The following ELMO1 variants were observed in gnomAD, a reference collection of about 807,000 sequenced individuals.
ELMO1 encodes the protein engulfment and cell motility protein 1.
In ELMO1, 26 loss-of-function variants were observed where a neutral mutation model predicts 98.9. The ratio of observed to expected loss-of-function variants is 0.26; its 90% confidence interval spans 0.19 to 0.36. The LOEUF is 0.36. Ranked by LOEUF, ELMO1 falls within the 10% of genes least tolerant of loss-of-function variation. The pLI is 1.00. For missense variants in ELMO1, 627 were observed against 935.2 expected (o/e 0.67, Z 4.30); for synonymous variants, 346 against 346.0 (o/e 1.00, Z 0.00).
At chr7:37,225,803 A>C (rs1253218868) in intron 8 of ELMO1, among the ~76,000 whole-genome samples, 2 of 152,252 alleles carry the variant, frequency 1.3e-5, no homozygotes, top group Admixed American at 6.5e-5. Context: ...GCAGTAATCC[A>C]AACACATGGG....
chr7:37,330,332 T>A (rs1800037364), intron 2 of ELMO1, among the ~76,000 whole-genome samples: 1 of 152,256 alleles, frequency 6.6e-6, no homozygotes. Context: ...ATGTTCTGAA[T>A]GAATTCCTTG....
At chr7:37,419,041 C>G (rs1328294718) in intron 1 of ELMO1, among the ~76,000 whole-genome samples, 3 of 152,120 alleles carry the variant, frequency 2.0e-5, no homozygotes, top group Non-Finnish European at 4.4e-5. Flanking sequence ...TCCTACCCCC[C>G]AGGACTGAGC....
intron 13 of ELMO1, among the ~76,000 whole-genome samples, chr7:37,161,590 C>T (rs531673201): frequency 2.8e-4 from 43 of 152,190 alleles, no homozygotes; most frequent in African/African-American, 8.9e-4. Flanking sequence ...AAGAATTTAA[C>T]AGCCTTTCTT....
intron 16 of ELMO1, among the ~76,000 whole-genome samples, chr7:36,956,020 A>G (rs1554370066): frequency 6.6e-6 from 1 of 152,092 alleles, no homozygotes; most frequent in South Asian, 2.1e-4. Context: ...TCCCTTTTTC[A>G]TGTTTAGATC....
At chr7:36,901,900 T>C (rs952351022) in intron 16 of ELMO1, among the ~76,000 whole-genome samples, 2 of 152,204 alleles carry the variant, frequency 1.3e-5, no homozygotes, top group African/African-American at 4.8e-5. Flanking sequence ...AAGATTATAT[T>C]CAGGACAAAT....
intron 1 of ELMO1, among the ~76,000 whole-genome samples, chr7:37,404,435 G>T (rs888986490): frequency 3.9e-5 from 6 of 152,264 alleles, no homozygotes; most frequent in Admixed American, 1.3e-4. Flanking sequence ...CAGCTTTCTG[G>T]TGCATCCCTA....
chr7:36,928,746 G>T (rs1265521103), intron 16 of ELMO1, among the ~76,000 whole-genome samples: 1 of 152,186 alleles, frequency 6.6e-6, no homozygotes, highest in African/African-American at 2.4e-5. Flanking sequence ...CACCCACCAG[G>T]GCTGTGGGAG....
At chr7:36,927,970 A>T (rs893564238) in intron 16 of ELMO1, among the ~76,000 whole-genome samples, 4 of 152,194 alleles carry the variant, frequency 2.6e-5, no homozygotes, top group Non-Finnish European at 5.9e-5. Context: ...AATCTTAATA[A>T]CTCATGCCAG....
intron 16 of ELMO1, among the ~76,000 whole-genome samples, chr7:37,009,034 ATACTC>A (rs1250292556): frequency 6.6e-6 from 1 of 152,176 alleles, no homozygotes; most frequent in Admixed American, 6.5e-5. Context: ...ACACAGACAT[ATACTC>A]TAAAGTGTAT....
intron 4 of ELMO1, among the ~76,000 whole-genome samples, chr7:37,292,916 T>A (rs1250363403): frequency 2.0e-5 from 1 of 49,434 alleles, no homozygotes; most frequent in African/African-American, 6.1e-5. Context: ...GGGAGGGAGG[T>A]GGCGGGGTCA....
intron 16 of ELMO1, among the ~76,000 whole-genome samples, chr7:36,920,487 A>T (rs1310107579): frequency 2.6e-5 from 4 of 152,246 alleles, no homozygotes; most frequent in Non-Finnish European, 5.9e-5. Flanking sequence ...TAATCACAAC[A>T]TGGTTTTTGG....
intron 16 of ELMO1, among the ~76,000 whole-genome samples, chr7:37,001,350 G>A (rs1167607864): frequency 1.3e-5 from 2 of 152,136 alleles, no homozygotes; most frequent in Non-Finnish European, 2.9e-5. Context: ...CATTTTTAAT[G>A]ATCATTGAAT....
intron 14 of ELMO1, among the ~76,000 whole-genome samples, chr7:37,123,321 C>T (rs1259899276): frequency 6.6e-6 from 1 of 151,994 alleles, no homozygotes; most frequent in Admixed American, 6.6e-5. Context: ...CATAAAAAAC[C>T]CTTCAAAAAA....
chr7:37,037,835 A>C lies in ELMO1; in HGVS notation c.1301-24400T>G, dbSNP rs77329454. On this transcript the variant is annotated intron_variant, in intron 15 of 21. Transcript: ENST00000310758. ...CAGACACGTGAATGTATATGGCTTC[A>C]AGATATTGTTAATCTGGGCAGCTGA... Among the ~76,000 whole-genome samples the C allele has an allele frequency of 9.0e-3, 1,365 of 152,344 alleles. 6 individuals are homozygous for C. The highest frequency in any genetic ancestry group is 0.014 in the Middle Eastern group (4 of 294).
At chr7:37,331,333 C>CTTTTTTTTGTTTTTTTT (rs1800101319) in intron 2 of ELMO1, among the ~76,000 whole-genome samples, 1 of 28,716 alleles carries the variant, frequency 3.5e-5, no homozygotes, top group Non-Finnish European at 6.8e-5. Flanking sequence ...CCACGCCTGG[C>CTTTTTTTTGTTTTTTTT]TTTTTTTTTT....
intron 6 of ELMO1, among the ~76,000 whole-genome samples, chr7:37,246,920 T>C (rs1795045979): frequency 1.3e-5 from 2 of 151,884 alleles, no homozygotes; most frequent in Admixed American, 6.5e-5. Context: ...AGTGATTTAA[T>C]TGACTTCCTT....
intron 15 of ELMO1, among the ~76,000 whole-genome samples, chr7:37,058,410 T>A (rs117689941): frequency 6.6e-6 from 1 of 152,288 alleles, no homozygotes; most frequent in East Asian, 1.9e-4. Context: ...CAAGAGGCCA[T>A]GCACCAACCT....
chr7:37,356,173 G>T (rs1168689394), intron 1 of ELMO1, among the ~76,000 whole-genome samples: 1 of 152,144 alleles, frequency 6.6e-6, no homozygotes, highest in East Asian at 1.9e-4. Context: ...TGGTGTCTAT[G>T]TGCCACATTT....
In ELMO1 at chr7:36,996,348, T is replaced by A. The variant is rs1229913271; in HGVS notation, c.1437+16951A>T. Among the ~76,000 whole-genome samples the A allele has an allele frequency of 2.0e-5, 3 of 152,222 alleles. No individual in the cohort carries two copies. In the South Asian group the frequency reaches 6.2e-4, roughly 32 times the overall value. On this transcript the variant is annotated intron_variant, in intron 16 of 21. Transcript: ENST00000310758. ...AAGACCTTATCAGCTGATTTAAAAA[T>A]AAACATTATTAGCTATTTTTTTCAA...
Sources: allele counts gnomAD v4.1 joint callset (sites outside exome capture counted in the v4.1 genomes callset), GRCh38; gene constraint gnomAD v4.1.1; transcripts MANE v1.5; gene names NCBI Gene and HGNC (gene_info 2026-07-23, HGNC 2026-07-21).